The following CPXM1 variants were observed in gnomAD, a reference collection of about 807,000 sequenced individuals.
CPXM1 encodes the protein probable carboxypeptidase X1.
Under a neutral mutation model 80.4 loss-of-function variants are expected in CPXM1, and 72 were observed. The observed-to-expected ratio is 0.90, with a 90% CI of 0.74 to 1.09. CPXM1 has a LOEUF of 1.09. Ranked by LOEUF, CPXM1 falls within the 50% of genes least tolerant of loss-of-function variation. The probability of loss-of-function intolerance (pLI) is 0.00; values close to 1 mark genes in which losing one functional copy is unlikely to be tolerated. For missense variants in CPXM1, 892 were observed against 999.4 expected, an observed-to-expected ratio of 0.89 and a Z score of 1.45; for synonymous variants, 403 against 405.6, an observed-to-expected ratio of 0.99 and a Z score of 0.08.
rs1357601701 is a variant in CPXM1 at position 2,797,990 on chromosome 20, T to C, written c.659A>G (p.Asn220Ser). The C allele has an allele frequency of 6.2e-7, 1 of 1,614,040 alleles. No homozygotes were observed. Among genetic ancestry groups the C allele is most frequent in the East Asian group, 2.2e-5 (1 of 44,876 alleles). Residue 220 changes from asparagine to serine, a missense_variant, in exon 5 of 14, where the codon AAC (asparagine) becomes AGC (serine). Coordinates refer to ENST00000380605, the MANE Select transcript of CPXM1 (RefSeq NM_019609.5). ...NDSRTWWGSR[N>S]HSSGMDAVFP... The stretch of plus-strand genomic sequence containing the variant: ...CACTGCGTCCATCCCACTGCTGTGG[T>C]TCCTACTTCCCCACCAGGTCCGACT...
Position 2,796,049 on chromosome 20 carries a change from T to C in CPXM1, c.1355A>G (p.Lys452Arg), listed in dbSNP as rs1437424823. The change falls in exon 10 of 14, where the codon AAG (lysine) becomes AGG (arginine). Residue 452 changes from lysine to arginine, a missense_variant. By Grantham distance (26) the Lys-to-Arg change is conservative. Coordinates refer to ENST00000380605, the MANE Select transcript of CPXM1 (RefSeq NM_019609.5). This position sits in a 1 kb window ranked among gnomAD's most constrained non-coding sequence, Gnocchi z 6.8. ...TPLWEAQDDGKVPHIVPNHHL... is the reference protein window; with the variant it reads ...TPLWEAQDDGRVPHIVPNHHL... Reference sequence around the variant, plus strand: ...ATGGTTGGGGACGATGTGGGGCACCTTCCCATCGTCCTGTGCTTCCCACAG... The same window carrying C: ...ATGGTTGGGGACGATGTGGGGCACCCTCCCATCGTCCTGTGCTTCCCACAG... 7.4e-6 allele frequency: 12 copies of C among 1,613,952 alleles called. No homozygotes were observed. The highest frequency in any genetic ancestry group is 1.0e-5 in the Non-Finnish European group (12 of 1,179,920).
Position 2,794,227 on chromosome 20 carries a change from C to T in CPXM1, c.2168G>A (p.Arg723His), listed in dbSNP as rs375270618. 2.4e-5 allele frequency: 38 copies of T among 1,613,698 alleles called. No individual in the cohort carries two copies. The African/African-American group carries it at 2.7e-4, about 11-fold the overall frequency. Residue 723 changes from arginine (R) to histidine (H), a missense_variant, in exon 14 of 14, where the codon CGC becomes CAC. Around this residue, in one of 2 missense-constraint regions of CPXM1, gnomAD observed 874 missense variants for 958.4 expected, o/e 0.91. Transcript: ENST00000380605. This position sits in a 1 kb window ranked among gnomAD's most constrained non-coding sequence, Gnocchi z 5.2. ...TCCCCTTAGCCGCTCCAGGCGCCTG[C>T]GAAGGTCCGGGGGCACCTTGGCCCC... The part of the protein sequence containing the change: ...AAGAKVPPDL[R>H]RRLERLRGQK...
Position 2,794,746 on chromosome 20 carries a change from C to A in CPXM1, c.1861-107G>T. ...TGCAAACCTGAGCAAAGTGGTAGGT[C>A]TACTGTGTTCCTAGGTGACACTACT... On this transcript the variant is annotated intron_variant, in intron 12 of 13. Transcript: ENST00000380605. The surrounding 1 kb of genome is among the most constrained non-coding windows in gnomAD (Gnocchi z 5.2). The A allele has an allele frequency of 1.3e-6, 1 of 765,942 alleles. No individual in the cohort carries two copies. The highest frequency in any genetic ancestry group is 2.2e-6 in the Non-Finnish European group (1 of 452,632). 47.4% of individuals were successfully genotyped at this position (765,942 alleles called of 1,614,324 possible). A position where few individuals can be genotyped will look rare whatever the true frequency, so the allele number is the denominator to read the frequency against.
At position 2,797,948 on chromosome 20, in the gene CPXM1, G is replaced by A. The variant is rs2146561466; in HGVS notation, c.681+20C>T. Reference sequence around the variant, plus strand: ...CCCAACTCCCAGCATGGAGGCCCCAGCCACAGTGGGACCACTCACTGCGTC... The same window carrying A: ...CCCAACTCCCAGCATGGAGGCCCCAACCACAGTGGGACCACTCACTGCGTC... On this transcript the variant is annotated intron_variant, in intron 5 of 13. Coordinates refer to ENST00000380605, the MANE Select transcript of CPXM1 (RefSeq NM_019609.5). 6.2e-7 allele frequency: 1 copy of A among 1,608,010 alleles called. No individual in the cohort carries two copies. The highest frequency in any genetic ancestry group is 2.2e-5 in the East Asian group (1 of 44,860).
chr20:2,794,752 T>C lies in CPXM1; in HGVS notation c.1861-113A>G. On this transcript the variant is annotated intron_variant, in intron 12 of 13. Coordinates refer to ENST00000380605, the MANE Select transcript of CPXM1 (RefSeq NM_019609.5). The surrounding 1 kb of genome is among the most constrained non-coding windows in gnomAD (Gnocchi z 5.2). ...CCTGAGCAAAGTGGTAGGTCTACTGTGTTCCTAGGTGACACTACTTCTGGA... is the reference window on the plus strand; with the variant it reads ...CCTGAGCAAAGTGGTAGGTCTACTGCGTTCCTAGGTGACACTACTTCTGGA... 6 of 704,354 alleles carry C rather than the reference T, an allele frequency of 8.5e-6. No individual in the cohort carries two copies. In the South Asian group the frequency reaches 1.0e-4, roughly 12 times the overall value. 43.6% of individuals were successfully genotyped at this position (704,354 alleles called of 1,614,324 possible).
In CPXM1 at chr20:2,796,254, T is replaced by C. The variant is rs1167401838; in HGVS notation, c.1235A>G (p.Tyr412Cys). The change falls in exon 9 of 14, where the codon TAC becomes TGC. Residue 412 changes from tyrosine to cysteine, a missense_variant. By Grantham distance (194) the Tyr-to-Cys change is radical. Around this residue, in one of 2 missense-constraint regions of CPXM1, gnomAD observed 874 missense variants for 958.4 expected, o/e 0.91. Coordinates refer to ENST00000380605, the MANE Select transcript of CPXM1 (RefSeq NM_019609.5). The surrounding 1 kb of genome is among the most constrained non-coding windows in gnomAD (Gnocchi z 6.8). ...TCATGCTGGGTGGCCTACCCGGTGG[T>C]AGGCGATCTCATAGCCATCAGGGTT... ...SMNPDGYEIA[Y>C]HRGSELVGWA... 5 of 1,613,466 alleles carry C rather than the reference T, an allele frequency of 3.1e-6. No homozygotes were observed.
At position 2,796,195 on chromosome 20, in the gene CPXM1, G is replaced by C; in HGVS notation, c.1243-34C>G. 1 of 1,608,808 alleles carries C rather than the reference G, an allele frequency of 6.2e-7. No individual in the cohort carries two copies. Among genetic ancestry groups the C allele is most frequent in the African/African-American group, 1.3e-5 (1 of 75,002 alleles). On this transcript the variant is annotated intron_variant, in intron 9 of 13. Transcript: ENST00000380605. This position sits in a 1 kb window ranked among gnomAD's most constrained non-coding sequence, Gnocchi z 6.8. ...CAAGAGGCTTGTTCAAGTCGAGCAG[G>C]TCCAGCCACCAGGGCAGAAGGACAG... is the stretch of plus-strand genomic sequence containing the variant.
Position 2,798,640 on chromosome 20 carries a change from G to A in CPXM1, c.340+86C>T, listed in dbSNP as rs960064032. On this transcript the variant is annotated intron_variant, in intron 2 of 13. Coordinates refer to ENST00000380605, the MANE Select transcript of CPXM1 (RefSeq NM_019609.5). ...CTCCTGCGCTAGGCAAGCAAGGGGCGTGCCGGTGCCCATGAGGCCAAGAGC... is the reference window on the plus strand; with the variant it reads ...CTCCTGCGCTAGGCAAGCAAGGGGCATGCCGGTGCCCATGAGGCCAAGAGC... The A allele has an allele frequency of 1.5e-5, 23 of 1,541,340 alleles. No individual in the cohort carries two copies. In the African/African-American group the frequency reaches 1.9e-4, roughly 13 times the overall value.
rs759036237 is a variant in CPXM1 at position 2,794,401 on chromosome 20, G to A, written c.1994C>T (p.Thr665Ile). ...GGCAGTCACCATGTAGTCCCCTGGG[G>A]TCAGCAGACGCCAATAATCCCCGCC... is the stretch of plus-strand genomic sequence containing the variant. ...AWGGDYWRLLTPGDYMVTASA... is the reference protein window; with the variant it reads ...AWGGDYWRLLIPGDYMVTASA... The change falls in exon 14 of 14, where the codon ACC becomes ATC. Residue 665 changes from threonine (T) to isoleucine (I), a missense_variant. Around this residue, in one of 2 missense-constraint regions of CPXM1, gnomAD observed 874 missense variants for 958.4 expected, o/e 0.91. Coordinates refer to ENST00000380605, the MANE Select transcript of CPXM1 (RefSeq NM_019609.5). This position sits in a 1 kb window ranked among gnomAD's most constrained non-coding sequence, Gnocchi z 5.2. The A allele has an allele frequency of 6.2e-7, 1 of 1,614,122 alleles. No individual in the cohort carries two copies. Among genetic ancestry groups the A allele is most frequent in the Non-Finnish European group, 8.5e-7 (1 of 1,180,018 alleles).
chr20:2,794,772 TCTGG>T lies in CPXM1; in HGVS notation c.1861-137_1861-134del. 1.6e-6 allele frequency: 1 copy of T among 621,494 alleles called. No homozygotes were observed. The highest frequency in any genetic ancestry group is 1.9e-5 in the African/African-American group (1 of 52,234). 38.5% of individuals were successfully genotyped at this position (621,494 alleles called of 1,614,324 possible). A position where few individuals can be genotyped will look rare whatever the true frequency, so the allele number is the denominator to read the frequency against. On this transcript the variant is annotated intron_variant, in intron 12 of 13. Transcript: ENST00000380605. The surrounding 1 kb of genome is among the most constrained non-coding windows in gnomAD (Gnocchi z 5.2). ...TACTGTGTTCCTAGGTGACACTACT[TCTGG>T]AAGAAAAAAAAAAAAGAAATCCTGA... is the stretch of plus-strand genomic sequence containing the variant.
chr20:2,798,696 G>A lies in CPXM1; in HGVS notation c.340+30C>T, dbSNP rs562179404. ...TGGTAAAGTGCCCCAGGGGCTGCAAGTCTGGGCTGGGCCCCTGGAGAGGAA... is the reference window on the plus strand; with the variant it reads ...TGGTAAAGTGCCCCAGGGGCTGCAAATCTGGGCTGGGCCCCTGGAGAGGAA... On this transcript the variant is annotated intron_variant, in intron 2 of 13. Transcript: ENST00000380605. 26 of 1,599,944 alleles carry A rather than the reference G, an allele frequency of 1.6e-5. No homozygotes were observed. The Admixed American group carries it at 3.9e-4, about 24-fold the overall frequency.
At position 2,795,882 on chromosome 20, in the gene CPXM1, C is replaced by T. The variant is rs747229395; in HGVS notation, c.1437G>A (p.Thr479=). Residue 479 remains threonine, a synonymous_variant, in exon 11 of 14, where the codon ACG becomes ACA. Transcript: ENST00000380605. This position sits in a 1 kb window ranked among gnomAD's most constrained non-coding sequence, Gnocchi z 5.4. ...GCTTCATCCACTTGATTACTGCCCG[C>T]GTTTCAGGAGCCACCTGGATGGGGC... The part of the protein sequence containing the change: ...TLPNATVAPE[T]RAVIKWMKRI... 20 of 1,609,628 alleles carry T rather than the reference C, an allele frequency of 1.2e-5. No homozygotes were observed. The highest frequency in any genetic ancestry group is 8.3e-5 in the Admixed American group (5 of 59,908).
rs781722698 is a variant in CPXM1 at position 2,795,454 on chromosome 20, G to A, written c.1721-38C>T. 5 of 1,605,030 alleles carry A rather than the reference G, an allele frequency of 3.1e-6. No individual in the cohort carries two copies. In the African/African-American group the frequency reaches 6.7e-5, roughly 21 times the overall value. On this transcript the variant is annotated intron_variant, in intron 11 of 13. Transcript: ENST00000380605. The surrounding 1 kb of genome is among the most constrained non-coding windows in gnomAD (Gnocchi z 5.4). ...CAGACACTGCTGCCTAAGCAGGCGG[G>A]ATGCGGTCCCATCCTCCCGCTACCC...
chr20:2,798,833 T>G lies in CPXM1; in HGVS notation c.233A>C (p.Lys78Thr). ...GCGAGTTAGAGTTAGCTTCTTCCGC[T>G]TCTTCATAATGACCTTTTTCTTCTT... is the stretch of plus-strand genomic sequence containing the variant. ...VIKKKKVIMK[K>T]RKKLTLTRPT... The change falls in exon 2 of 14, where the codon AAG becomes ACG. Residue 78 changes from lysine to threonine, a missense_variant. By Grantham distance (78) the Lys-to-Thr change is moderately conservative. Coordinates refer to ENST00000380605, the MANE Select transcript of CPXM1 (RefSeq NM_019609.5). 1.2e-6 allele frequency: 2 copies of G among 1,614,122 alleles called. No homozygotes were observed. Among genetic ancestry groups the G allele is most frequent in the Non-Finnish European group, 1.7e-6 (2 of 1,179,994 alleles).
chr20:2,798,146 C>A lies in CPXM1; in HGVS notation c.590+6G>T. ...GACCTCCTGACCTAGGGTTAGTCTGCCTCACCTCCAGACAGAGTTCCTGCC... is the reference window on the plus strand; with the variant it reads ...GACCTCCTGACCTAGGGTTAGTCTGACTCACCTCCAGACAGAGTTCCTGCC... On this transcript the variant is annotated splice_donor_region_variant and intron_variant, in intron 4 of 13. Coordinates refer to ENST00000380605, the MANE Select transcript of CPXM1 (RefSeq NM_019609.5). 1 of 1,613,794 alleles carries A rather than the reference C, an allele frequency of 6.2e-7. No individual in the cohort carries two copies. The highest frequency in any genetic ancestry group is 8.5e-7 in the Non-Finnish European group (1 of 1,179,882).
rs369098752 is a variant in CPXM1 at position 2,798,917 on chromosome 20, T to C, written c.173-24A>G. The C allele has an allele frequency of 2.3e-5, 37 of 1,605,368 alleles. No individual in the cohort carries two copies. The African/African-American group carries it at 4.2e-4, about 18-fold the overall frequency. ...CCCTTGGGGTCCGAGAGGCACAGCA[T>C]GGGGGAAAGGAAGAATGGTGAAACC... is the stretch of plus-strand genomic sequence containing the variant. On this transcript the variant is annotated intron_variant, in intron 1 of 13. Coordinates refer to ENST00000380605, the MANE Select transcript of CPXM1 (RefSeq NM_019609.5).
Position 2,796,745 on chromosome 20 carries a change from G to T in CPXM1, c.922-95C>A. The T allele has an allele frequency of 6.6e-7, 1 of 1,518,988 alleles. No homozygotes were observed. Among genetic ancestry groups the T allele is most frequent in the Non-Finnish European group, 8.9e-7 (1 of 1,121,056 alleles). 94.1% of individuals were successfully genotyped at this position (1,518,988 alleles called of 1,614,324 possible). A position where few individuals can be genotyped will look rare whatever the true frequency, so the allele number is the denominator to read the frequency against. On this transcript the variant is annotated intron_variant, in intron 7 of 13. Transcript: ENST00000380605. This position sits in a 1 kb window ranked among gnomAD's most constrained non-coding sequence, Gnocchi z 6.8. ...TGGAAAGACTTAAAAAGTCAGCGAT[G>T]GCCCACACAGAGGGGGCATCCCATC...
chr20:2,800,084 T>C (rs927483928), intron 1 of CPXM1, among the ~76,000 whole-genome samples: 20 of 151,774 alleles, frequency 1.3e-4, no homozygotes, highest in African/African-American at 4.3e-4. Context: ...TGTGAGTGTG[T>C]ATATGTGTGT....
chr20:2,797,851 C>T, intron 5 of CPXM1, 117 bp downstream of exon 5: 1 of 895,382 alleles, frequency 1.1e-6, no homozygotes, highest in East Asian at 2.5e-5. Flanking sequence ...ACAAGCCACA[C>T]CCCCCTGGGA....
Sources: allele counts gnomAD v4.1 joint callset (sites outside exome capture counted in the v4.1 genomes callset), GRCh38; gene constraint gnomAD v4.1.1; regional missense constraint gnomAD v4.1.1; non-coding constraint Gnocchi (gnomAD v3.1); transcripts MANE v1.5; gene names NCBI Gene and HGNC (gene_info 2026-07-23, HGNC 2026-07-21).